The following NEXN variants were observed in gnomAD, a reference collection of about 807,000 sequenced individuals.
NEXN encodes the protein nexilin.
NEXN carries 65 observed loss-of-function variants against 92.6 expected under a neutral mutation model. That is an observed-to-expected ratio of 0.70 (90% CI 0.57 to 0.86). NEXN has a LOEUF of 0.86. Ranked by LOEUF, NEXN falls within the 40% of genes least tolerant of loss-of-function variation. NEXN has a pLI of 0.00. For missense variants in NEXN, 778 were observed against 771.1 expected, an observed-to-expected ratio of 1.01 and a Z score of -0.11; for synonymous variants, 254 against 242.5, an observed-to-expected ratio of 1.05 and a Z score of -0.44.
chr1:77,906,972 T>C (rs1437191066), intron 1 of NEXN, among the ~76,000 whole-genome samples: 1 of 152,186 alleles, frequency 6.6e-6, no homozygotes, highest in African/African-American at 2.4e-5. Context: ...AGAGAAGGTT[T>C]GATAATAGTA....
At chr1:77,908,562 G>A (rs1484356024) in intron 1 of NEXN, among the ~76,000 whole-genome samples, 1 of 151,756 alleles carries the variant, frequency 6.6e-6, no homozygotes, top group Admixed American at 6.6e-5. Context: ...CACCACTCCT[G>A]GCTAATTTTG....
At chr1:77,912,596 T>TA (rs57446891) in intron 1 of NEXN, among the ~76,000 whole-genome samples, 7,383 of 152,094 alleles carry the variant, frequency 0.049, 400 homozygotes, top group African/African-American at 0.14. Context: ...GGTGAAATAA[T>TA]AAACAAAAAG....
chr1:77,916,677 T>C (rs1332132408), intron 2 of NEXN, among the ~76,000 whole-genome samples: 1 of 152,208 alleles, frequency 6.6e-6, no homozygotes, highest in Non-Finnish European at 1.5e-5. Context: ...ACAAGTTGGA[T>C]GTGCCACAAA....
At chr1:77,895,125 A>T (rs113036195) in intron 1 of NEXN, among the ~76,000 whole-genome samples, 3,907 of 139,412 alleles carry the variant, frequency 0.028, 88 homozygotes, top group South Asian at 0.11. Context: ...GCTCACTGCA[A>T]ACTCCGCCTC....
intron 1 of NEXN, among the ~76,000 whole-genome samples, chr1:77,902,648 G>A (rs1052181353): frequency 2.0e-5 from 3 of 152,140 alleles, no homozygotes; most frequent in Non-Finnish European, 4.4e-5. Context: ...CTTGATATGG[G>A]TGTATGGGGG....
intron 1 of NEXN, among the ~76,000 whole-genome samples, chr1:77,912,972 T>C (rs1382797088): frequency 6.6e-6 from 1 of 152,192 alleles, no homozygotes; most frequent in Non-Finnish European, 1.5e-5. Context: ...AATTCTGTTC[T>C]GCAAAAGACA....
chr1:77,909,294 C>T lies in NEXN; in HGVS notation c.-52-6761C>T, dbSNP rs865882318. Among the ~76,000 whole-genome samples the T allele has an allele frequency of 2.0e-5, 3 of 152,054 alleles. No homozygotes were observed. The South Asian group carries it at 6.2e-4, about 32-fold the overall frequency. ...AATTAGCTGGGCGTAGTGGGGCATG[C>T]CTGTAATCCCAGCTACTTGGGAGGC... is the stretch of plus-strand genomic sequence containing the variant. On this transcript the variant is annotated intron_variant, in intron 1 of 12. Coordinates refer to ENST00000334785, the MANE Select transcript of NEXN (RefSeq NM_144573.4).
intron 9 of NEXN, among the ~76,000 whole-genome samples, chr1:77,932,791 A>G (rs1018709374): frequency 6.6e-6 from 1 of 152,092 alleles, no homozygotes. Context: ...CTTCCCTTTT[A>G]TTTATTTATT....
intron 9 of NEXN, chr1:77,931,618 T>C (rs1396103838): frequency 6.6e-6 from 1 of 152,102 alleles, no homozygotes; most frequent in Admixed American, 6.6e-5. Context: ...AGAGAAAACC[T>C]TCCTCTTACA....
At chr1:77,922,674 T>C (rs919131377) in intron 5 of NEXN, among the ~76,000 whole-genome samples, 4 of 151,742 alleles carry the variant, frequency 2.6e-5, no homozygotes, top group Admixed American at 2.6e-4. Flanking sequence ...CTCAGCTCAC[T>C]GCAAGCTGCG....
intron 1 of NEXN, among the ~76,000 whole-genome samples, chr1:77,904,649 C>T (rs867682882): frequency 1.3e-5 from 2 of 152,092 alleles, no homozygotes; most frequent in African/African-American, 2.4e-5. Flanking sequence ...GTCTACCATG[C>T]GTACAGAGGA....
At chr1:77,900,695 CA>C (rs1400745553) in intron 1 of NEXN, among the ~76,000 whole-genome samples, 7 of 152,158 alleles carry the variant, frequency 4.6e-5, no homozygotes, top group African/African-American at 1.7e-4. Flanking sequence ...GTTAGAATGC[CA>C]TTACTAAATC....
intron 6 of NEXN, among the ~76,000 whole-genome samples, chr1:77,925,536 T>C (rs964010731): frequency 6.6e-6 from 1 of 152,206 alleles, no homozygotes; most frequent in Non-Finnish European, 1.5e-5. Context: ...GCTGAGATTG[T>C]TGAACGCTAA....
chr1:77,905,507 A>G (rs1253077068), intron 1 of NEXN, among the ~76,000 whole-genome samples: 1 of 151,760 alleles, frequency 6.6e-6, no homozygotes, highest in Admixed American at 6.6e-5. Flanking sequence ...CCTGGGCAAC[A>G]TAGTGAGACC....
Position 77,942,524 on chromosome 1 carries a change from G to C in NEXN, c.1723G>C (p.Glu575Gln), listed in dbSNP as rs540870664. 1.9e-6 allele frequency: 3 copies of C among 1,613,896 alleles called. No individual in the cohort carries two copies. The South Asian group carries it at 3.3e-5, about 18-fold the overall frequency. The change falls in exon 13 of 13, where the codon GAG becomes CAG. Residue 575 changes from glutamate to glutamine, a missense_variant. Around this residue, in one of 3 missense-constraint regions of NEXN, gnomAD observed 532 missense variants for 476.7 expected, o/e 1.12. Transcript: ENST00000334785. Reference protein sequence around the residue: ...IMNGSTAEDEEQTRSGAPWFK... With the variant: ...IMNGSTAEDEQQTRSGAPWFK... ...GAATGGCTCCACTGCTGAAGATGAA[G>C]AGCAAACCAGATCAGGAGCTCCATG...
chr1:77,922,577 T>C (rs1398430790), intron 5 of NEXN, among the ~76,000 whole-genome samples: 1 of 151,822 alleles, frequency 6.6e-6, no homozygotes, highest in Non-Finnish European at 1.5e-5. Context: ...CTAAATAAAA[T>C]ATTTTACAGT....
At chr1:77,895,420 GTT>G (rs1382101016) in intron 1 of NEXN, among the ~76,000 whole-genome samples, 1 of 152,060 alleles carries the variant, frequency 6.6e-6, no homozygotes, top group Non-Finnish European at 1.5e-5. Flanking sequence ...TTATACCTAA[GTT>G]TATGTTTCCT....
intron 10 of NEXN, 30 bp from the exon 11 acceptor site, chr1:77,935,793 C>A (rs368030592): frequency 6.3e-7 from 1 of 1,582,808 alleles, no homozygotes. Flanking sequence ...TCAAAAACAG[C>A]AGCAACAAAC....
chr1:77,909,559 C>A (rs1363983186), intron 1 of NEXN, among the ~76,000 whole-genome samples: 1 of 152,032 alleles, frequency 6.6e-6, no homozygotes, highest in Non-Finnish European at 1.5e-5. Context: ...TACTCATAAA[C>A]CTTAGTTCAT....
Sources: gnomAD v4.1 joint callset for allele counts (sites outside exome capture counted in the v4.1 genomes callset) on GRCh38, gnomAD v4.1.1 for gene constraint, gnomAD v4.1.1 regional missense constraint, MANE v1.5 for transcripts, NCBI Gene and HGNC (gene_info 2026-07-23, HGNC 2026-07-21) for gene names.